PRR33: variants seen among roughly 807,000 people sequenced by gnomAD.
The protein encoded by PRR33 is proline rich 33, also known as proline-rich protein 33.
PRR33 carries 1 observed loss-of-function variant against 0.5 expected under a neutral mutation model. The ratio of observed to expected loss-of-function variants is 2.18; its 90% confidence interval spans 0.77 to 10.34. PRR33 has a LOEUF of 10.34. Among genes scored for constraint, PRR33 ranks in the 30% most tolerant of loss-of-function variants. PRR33 has a pLI of 0.13. For synonymous variants in PRR33, 226 were observed against 110.0 expected, an observed-to-expected ratio of 2.06 and a Z score of -6.60; for missense variants, 552 against 251.8, an observed-to-expected ratio of 2.19 and a Z score of -8.07.
chr11:1,909,074 G>T, the PRR33 span, among the ~76,000 whole-genome samples: 1 of 152,200 alleles, frequency 6.6e-6, no homozygotes, highest in Non-Finnish European at 1.5e-5. Context: ...CATCTACCCA[G>T]CCCCCACTTA....
chr11:1,895,749 T>G (rs1375691109), upstream of PRR33, among the ~76,000 whole-genome samples: 1 of 152,252 alleles, frequency 6.6e-6, no homozygotes, highest in Non-Finnish European at 1.5e-5. Flanking sequence ...CTTCTTTTTC[T>G]TTTTGCATAT....
At chr11:1,890,267 G>C (rs1366912721) in exon 1 of PRR33, 1 of 714,302 alleles carries the variant, frequency 1.4e-6, no homozygotes, top group Non-Finnish European at 2.6e-6. Context: ...CAGCCACCAT[G>C]CGGGGAGCCT....
At chr11:1,891,356 G>C (rs950015291) in exon 1 of PRR33, 1 of 152,332 alleles carries the variant, frequency 6.6e-6, no homozygotes, top group Non-Finnish European at 1.5e-5. Flanking sequence ...TGCCGCTGGT[G>C]GGGGCTGGCT....
chr11:1,901,428 T>A, the PRR33 span, among the ~76,000 whole-genome samples: 1 of 152,092 alleles, frequency 6.6e-6, no homozygotes, highest in Admixed American at 6.5e-5. Flanking sequence ...CAGATACATG[T>A]CATACAGAGA....
chr11:1,890,393 G>C (rs1444814097), exon 1 of PRR33: 1 of 717,026 alleles, frequency 1.4e-6, no homozygotes, highest in Non-Finnish European at 2.6e-6. Flanking sequence ...GGGACAGGGA[G>C]GTGCGGAAGG....
chr11:1,902,944 T>A, the PRR33 span, among the ~76,000 whole-genome samples: 2 of 152,136 alleles, frequency 1.3e-5, no homozygotes, highest in African/African-American at 4.8e-5. Context: ...ATCTGTAAAC[T>A]GTCATGGTGC....
chr11:1,915,886 A>G, the PRR33 span, among the ~76,000 whole-genome samples: 6,862 of 150,280 alleles, frequency 0.046, 221 homozygotes, highest in South Asian at 0.087. Flanking sequence ...GGATGGGTAG[A>G]TAGATGGATA....
chr11:1,902,277 A>G, the PRR33 span, among the ~76,000 whole-genome samples: 1 of 150,894 alleles, frequency 6.6e-6, no homozygotes, highest in South Asian at 2.1e-4. Flanking sequence ...CAACCTGTGG[A>G]TAGGTGGTCC....
chr11:1,895,733 A>G (rs990993532), upstream of PRR33, among the ~76,000 whole-genome samples: 2 of 152,160 alleles, frequency 1.3e-5, no homozygotes, highest in Non-Finnish European at 2.9e-5. Flanking sequence ...ACGAATGCAA[A>G]TTATTCTTCT....
the PRR33 span, among the ~76,000 whole-genome samples, chr11:1,904,393 G>T: frequency 1.3e-5 from 2 of 152,052 alleles, no homozygotes; most frequent in Non-Finnish European, 2.9e-5. Context: ...GCCAGGCATG[G>T]TGGTGCATGC....
chr11:1,891,010 G>A (rs1452866596), exon 1 of PRR33: 2 of 167,062 alleles, frequency 1.2e-5, no homozygotes, highest in Admixed American at 1.1e-4. Flanking sequence ...CCAAGCCCAG[G>A]GCTGGAAGAG....
exon 1 of PRR33, chr11:1,891,087 G>A (rs1195554488): frequency 2.5e-5 from 4 of 158,570 alleles, no homozygotes; most frequent in African/African-American, 4.8e-5. Flanking sequence ...CGTCCGCTGC[G>A]AGCCAGCGGT....
At chr11:1,903,174 T>C in the PRR33 span, 5 of 152,180 alleles carry the variant, frequency 3.3e-5, no homozygotes, top group East Asian at 9.6e-4. Context: ...CAGCCCCTGT[T>C]CAAGATGGAG....
At chr11:1,916,861 C>G in the PRR33 span, among the ~76,000 whole-genome samples, 1 of 152,212 alleles carries the variant, frequency 6.6e-6, no homozygotes, top group Non-Finnish European at 1.5e-5. Context: ...TCAGGCCATG[C>G]CCAATGCGGA....
chr11:1,897,107 C>A, the PRR33 span, among the ~76,000 whole-genome samples: 4 of 152,130 alleles, frequency 2.6e-5, no homozygotes, highest in African/African-American at 9.7e-5. This position sits in a 1 kb window ranked among gnomAD's most constrained non-coding sequence, Gnocchi z 4.0. Flanking sequence ...TATCTGAACA[C>A]GGTTGGAATG....
upstream of PRR33, among the ~76,000 whole-genome samples, chr11:1,895,765 T>C (rs1262208215): frequency 6.6e-6 from 1 of 152,226 alleles, no homozygotes. Flanking sequence ...CATATGGAGA[T>C]CCAGTTGTTC....
the PRR33 span, among the ~76,000 whole-genome samples, chr11:1,901,257 A>G: frequency 6.6e-6 from 1 of 152,038 alleles, no homozygotes; most frequent in East Asian, 1.9e-4. Flanking sequence ...GGTTGTGGTG[A>G]GCCAAGTTTA....
the PRR33 span, among the ~76,000 whole-genome samples, chr11:1,909,123 G>A: frequency 1.3e-5 from 2 of 152,228 alleles, no homozygotes; most frequent in Non-Finnish European, 2.9e-5. Context: ...GGTAGCTCAC[G>A]CCTGTAATCC....
At chr11:1,889,255 G>C in exon 1 of PRR33, 1 of 677,034 alleles carries the variant, frequency 1.5e-6, no homozygotes, top group Middle Eastern at 2.4e-4. Flanking sequence ...TGCAGCTTCC[G>C]GGCGTTGAAG....
Sources: allele counts gnomAD v4.1 joint callset (sites outside exome capture counted in the v4.1 genomes callset), GRCh38; gene constraint gnomAD v4.1.1; non-coding constraint Gnocchi (gnomAD v3.1); transcripts MANE v1.5; gene names NCBI Gene and HGNC (gene_info 2026-07-23, HGNC 2026-07-21).